TRIP13: variants seen among roughly 807,000 people sequenced by gnomAD.
TRIP13 encodes the protein thyroid hormone receptor interactor 13, also known as pachytene checkpoint protein 2 homolog.
TRIP13 carries 25 observed loss-of-function variants against 54.4 expected under a neutral mutation model. The observed-to-expected ratio is 0.46, with a 90% CI of 0.33 to 0.64. The LOEUF is 0.64. Ranked by LOEUF, TRIP13 falls within the 30% of genes least tolerant of loss-of-function variation. The pLI is 0.02. For missense variants in TRIP13, 373 were observed against 534.2 expected (o/e 0.70, Z 2.97); for synonymous variants, 207 against 207.8 (o/e 1.00, Z 0.03).
intron 12 of TRIP13, among the ~76,000 whole-genome samples, chr5:916,614 GGTGACA>G (rs1233538832): frequency 6.6e-6 from 1 of 152,192 alleles, no homozygotes; most frequent in East Asian, 1.9e-4. Context: ...ATGCAGGGGA[GGTGACA>G]GCTCTGGGCA....
intron 5 of TRIP13, among the ~76,000 whole-genome samples, chr5:902,317 C>T (rs1355843405): frequency 6.6e-6 from 1 of 152,130 alleles, no homozygotes; most frequent in African/African-American, 2.4e-5. Flanking sequence ...TTCTTTAAGT[C>T]AGTTAAGATT....
chr5:912,102 A>G lies in TRIP13; in HGVS notation c.1020+106A>G, dbSNP rs1754246242. The G allele has an allele frequency of 4.4e-6, 6 of 1,369,640 alleles. No homozygotes were observed. The highest frequency in any genetic ancestry group is 1.4e-5 in the South Asian group (1 of 69,896). 84.8% of individuals were successfully genotyped at this position (1,369,640 alleles called of 1,614,324 possible). A position where few individuals can be genotyped will look rare whatever the true frequency, so the allele number is the denominator to read the frequency against. ...TCGTTCCAGTACGGAGGATTTCAACATATGCATTAACTCCCTTCTTAAATT... is the reference window on the plus strand; with the variant it reads ...TCGTTCCAGTACGGAGGATTTCAACGTATGCATTAACTCCCTTCTTAAATT... On this transcript the variant is annotated intron_variant, in intron 10 of 12. Coordinates refer to ENST00000166345, the MANE Select transcript of TRIP13 (RefSeq NM_004237.4). The surrounding 1 kb of genome is among the most constrained non-coding windows in gnomAD (Gnocchi z 7.2).
chr5:916,145 CT>C (rs1312219549), intron 12 of TRIP13, among the ~76,000 whole-genome samples, 172 bp downstream of exon 12: 2 of 152,234 alleles, frequency 1.3e-5, no homozygotes, highest in African/African-American at 2.4e-5. Flanking sequence ...CAGGGGCTGT[CT>C]TGAGTCCTTT....
At position 912,440 on chromosome 5, in the gene TRIP13, G is replaced by A. The variant is rs970538600; in HGVS notation, c.1020+444G>A. On this transcript the variant is annotated intron_variant, in intron 10 of 12. Coordinates refer to ENST00000166345, the MANE Select transcript of TRIP13 (RefSeq NM_004237.4). The surrounding 1 kb of genome is among the most constrained non-coding windows in gnomAD (Gnocchi z 7.2). ...CCACATGACGTCACGTTCTTGAGTC[G>A]CCTGTTGTGATGATAGGCAGGAACA... Among the ~76,000 whole-genome samples, 1 of 152,118 alleles carries A rather than the reference G, an allele frequency of 6.6e-6. No homozygotes were observed. Among genetic ancestry groups the A allele is most frequent in the Non-Finnish European group, 1.5e-5 (1 of 68,032 alleles).
At chr5:918,542 A>C (rs1754377478), downstream of TRIP13, among the ~76,000 whole-genome samples, 1 of 152,236 alleles carries the variant, frequency 6.6e-6, no homozygotes, top group Non-Finnish European at 1.5e-5. This position sits in a 1 kb window ranked among gnomAD's most constrained non-coding sequence, Gnocchi z 4.3. Flanking sequence ...GGGTATAGTG[A>C]ATAAGGCAAA....
At chr5:894,025 C>T (rs1753806798) in intron 1 of TRIP13, among the ~76,000 whole-genome samples, 2 of 152,164 alleles carry the variant, frequency 1.3e-5, no homozygotes, top group African/African-American at 4.8e-5. Context: ...GGACAGACAC[C>T]TACGTACAAC....
Position 904,163 on chromosome 5 carries a change from G to A in TRIP13, c.551G>A (p.Gly184Glu). ...VVLLHGPPGT[G>E]KTSLCKALAQ... ...TTTGTCACAGGTCCTCCTGGCACTGGAAAAACATCCCTGTGTAAAGCGTTA... is the reference window on the plus strand; with the variant it reads ...TTTGTCACAGGTCCTCCTGGCACTGAAAAAACATCCCTGTGTAAAGCGTTA... The change falls in exon 6 of 13, where the codon GGA (glycine) becomes GAA (glutamate). Residue 184 changes from glycine to glutamate, a missense_variant. Physicochemically the swap from Gly to Glu is moderately conservative, Grantham distance 98. Coordinates refer to ENST00000166345, the MANE Select transcript of TRIP13 (RefSeq NM_004237.4). 1 of 1,607,160 alleles carries A rather than the reference G, an allele frequency of 6.2e-7. No homozygotes were observed. Among genetic ancestry groups the A allele is most frequent in the Non-Finnish European group, 8.5e-7 (1 of 1,178,158 alleles).
chr5:893,466 C>T (rs908673184), intron 1 of TRIP13, among the ~76,000 whole-genome samples: 5 of 152,258 alleles, frequency 3.3e-5, no homozygotes, highest in African/African-American at 1.2e-4. Flanking sequence ...TTACAGAGAG[C>T]TCTAGTCTCA....
In TRIP13 at chr5:896,776, C is replaced by CA. The variant is rs1254730974; in HGVS notation, c.371dup (p.His124GlnfsTer8). 1 of 1,613,406 alleles carries CA rather than the reference C, an allele frequency of 6.2e-7. No individual in the cohort carries two copies. Among genetic ancestry groups the CA allele is most frequent in the Non-Finnish European group, 8.5e-7 (1 of 1,179,702 alleles). On this transcript the variant is annotated frameshift_variant, in exon 3 of 13. Coordinates refer to ENST00000166345, the MANE Select transcript of TRIP13 (RefSeq NM_004237.4). LOFTEE classifies it high-confidence loss of function. The stretch of plus-strand genomic sequence containing the variant: ...GACAGAAAACATAATTGCAGCAAAT[C>CA]ACTGGGTTCTACCTGCAGGTATGGG...
chr5:911,424 A>C lies in TRIP13; in HGVS notation c.867-419A>C, dbSNP rs976294535. On this transcript the variant is annotated intron_variant, in intron 9 of 12. Coordinates refer to ENST00000166345, the MANE Select transcript of TRIP13 (RefSeq NM_004237.4). This position sits in a 1 kb window ranked among gnomAD's most constrained non-coding sequence, Gnocchi z 4.7. ...GTCTCCACTAAAAATACAAAAAATT[A>C]GCCGGGCACGGTGGCGGGCGCCTGT... 2.2e-4 allele frequency among the ~76,000 whole-genome samples: 34 copies of C among 151,668 alleles called. No individual in the cohort carries two copies. Among genetic ancestry groups the C allele is most frequent in the African/African-American group, 8.0e-4 (33 of 41,228 alleles).
chr5:912,873 G>A lies in TRIP13; in HGVS notation c.1020+877G>A, dbSNP rs1223808020. Among the ~76,000 whole-genome samples, 2 of 152,204 alleles carry A rather than the reference G, an allele frequency of 1.3e-5. No homozygotes were observed. The highest frequency in any genetic ancestry group is 4.8e-5 in the African/African-American group (2 of 41,448). ...GGCCTTTGTTTAGGGTAGTTGGGCG[G>A]TAACCAAGCAAACCAGTGAATGGGG... is the stretch of plus-strand genomic sequence containing the variant. On this transcript the variant is annotated intron_variant, in intron 10 of 12. Transcript: ENST00000166345. This position sits in a 1 kb window ranked among gnomAD's most constrained non-coding sequence, Gnocchi z 7.2.
rs1377412431 is a variant in TRIP13 at position 911,830 on chromosome 5, T to C, written c.867-13T>C. On this transcript the variant is annotated splice_polypyrimidine_tract_variant and intron_variant, in intron 9 of 12. Coordinates refer to ENST00000166345, the MANE Select transcript of TRIP13 (RefSeq NM_004237.4). This position sits in a 1 kb window ranked among gnomAD's most constrained non-coding sequence, Gnocchi z 4.7. ...CCGTGATGACTGTGGTGCTTGCTTC[T>C]CGGCCACAACAGGCATTCCAATGTT... 6.2e-7 allele frequency: 1 copy of C among 1,604,224 alleles called. No homozygotes were observed. Among genetic ancestry groups the C allele is most frequent in the Admixed American group, 1.7e-5 (1 of 57,248 alleles).
At chr5:894,542 G>A (rs150282066) in intron 1 of TRIP13, among the ~76,000 whole-genome samples, 63 of 152,244 alleles carry the variant, frequency 4.1e-4, no homozygotes, top group Middle Eastern at 3.4e-3. Flanking sequence ...CCAGCATAGC[G>A]AGAACTCTTA....
At chr5:916,509 C>G (rs1754343953) in intron 12 of TRIP13, among the ~76,000 whole-genome samples, 1 of 152,252 alleles carries the variant, frequency 6.6e-6, no homozygotes, top group Non-Finnish European at 1.5e-5. Flanking sequence ...TCAGAAGTGA[C>G]TCAGGCTCTG....
intron 12 of TRIP13, 52 bp from the exon 13 acceptor site, chr5:916,956 G>A: frequency 6.4e-7 from 1 of 1,564,810 alleles, no homozygotes; most frequent in Non-Finnish European, 8.7e-7. Context: ...ATGCCAGATG[G>A]CCCCACCAAA....
intron 5 of TRIP13, 100 bp from the exon 6 acceptor site, chr5:904,048 T>A: frequency 9.3e-7 from 1 of 1,078,760 alleles, no homozygotes. Flanking sequence ...AGCTTTTAAC[T>A]GTATTCCTTA....
At chr5:905,240 C>G (rs920324317) in intron 6 of TRIP13, among the ~76,000 whole-genome samples, 1 of 152,106 alleles carries the variant, frequency 6.6e-6, no homozygotes, top group African/African-American at 2.4e-5. Flanking sequence ...GATCCGTGGG[C>G]ACTCTCCACT....
At chr5:900,894 C>G (rs1459065052) in intron 4 of TRIP13, among the ~76,000 whole-genome samples, 1 of 152,184 alleles carries the variant, frequency 6.6e-6, no homozygotes, top group Non-Finnish European at 1.5e-5. Context: ...GGGTCTTTCC[C>G]ATGCCAGCAG....
intron 9 of TRIP13, among the ~76,000 whole-genome samples, chr5:909,921 G>C (rs911784786): frequency 6.6e-6 from 1 of 152,204 alleles, no homozygotes; most frequent in Non-Finnish European, 1.5e-5. Flanking sequence ...CCCTCATTCT[G>C]GTAAACCGAC....
Sources: gnomAD v4.1 joint callset for allele counts (sites outside exome capture counted in the v4.1 genomes callset) on GRCh38, gnomAD v4.1.1 for gene constraint, Gnocchi (gnomAD v3.1) non-coding constraint, MANE v1.5 for transcripts, NCBI Gene and HGNC (gene_info 2026-07-23, HGNC 2026-07-21) for gene names.